Variants in ZNF804B observed in about 807,000 individuals in gnomAD.
ZNF804B encodes zinc finger protein 804B, also known as zinc finger 804B.
A neutral mutation model predicts 101.4 loss-of-function variants in ZNF804B; 80 were observed. That is an observed-to-expected ratio of 0.79 (90% confidence interval 0.66 to 0.95). ZNF804B has a LOEUF of 0.95. ZNF804B is among the 40% of genes least tolerant of loss of function. The probability of loss-of-function intolerance (pLI) is 0.00; values close to 1 mark genes in which losing one functional copy is unlikely to be tolerated. For missense variants in ZNF804B, 1,673 were observed against 1,561.9 expected, an observed-to-expected ratio of 1.07 and a Z score of -1.20; for synonymous variants, 622 against 558.8, an observed-to-expected ratio of 1.11 and a Z score of -1.59.
At position 89,285,522 on chromosome 7, in the gene ZNF804B, C is replaced by CAAAAAAAAAAAAAAAAAA. The variant is rs778078214; in HGVS notation, c.250-41813_250-41796dup. 4.5e-4 allele frequency among the ~76,000 whole-genome samples: 10 copies of CAAAAAAAAAAAAAAAAAA among 22,396 alleles called. 1 individual carries two copies. The highest frequency in any genetic ancestry group is 8.1e-4 in the Admixed American group (1 of 1,232). The allele number at this position is 22,396 out of a possible 152,430, so 14.7% of individuals were successfully genotyped here. A position where few individuals can be genotyped will look rare whatever the true frequency, so the allele number is the denominator to read the frequency against. On this transcript the variant is annotated intron_variant, in intron 2 of 3. Coordinates refer to ENST00000333190, the MANE Select transcript of ZNF804B (RefSeq NM_181646.5). Reference sequence around the variant, plus strand: ...TGGGCGAGAGAGCGAGACTCTGTCTCAAAAAAAAAAAAAAAAAAAAAAAAA... The same window carrying CAAAAAAAAAAAAAAAAAA: ...TGGGCGAGAGAGCGAGACTCTGTCTCAAAAAAAAAAAAAAAAAAAAAAAAAAAAAAAAAAAAAAAAAAA...
At position 88,854,529 on chromosome 7, in the gene ZNF804B, T is replaced by TCCTTTCCTTCCCTTC. The variant is rs1562812904; in HGVS notation, c.108+94449_108+94450insTCCTTCCCTTCCCTT. Among the ~76,000 whole-genome samples the TCCTTTCCTTCCCTTC allele has an allele frequency of 2.9e-4, 17 of 57,920 alleles. 1 individual carries two copies. Among genetic ancestry groups the TCCTTTCCTTCCCTTC allele is most frequent in the Non-Finnish European group, 3.9e-4 (12 of 30,896 alleles). 38.0% of individuals were successfully genotyped at this position (57,920 alleles called of 152,430 possible). ...TTCCTTTCCTTTCCTTTCCTTCCTT[T>TCCTTTCCTTCCCTTC]CCTTCCTTCCTTCCTTCCTTCCTTC... On this transcript the variant is annotated intron_variant, in intron 1 of 3. Coordinates refer to ENST00000333190, the MANE Select transcript of ZNF804B (RefSeq NM_181646.5).
At chr7:89,203,426 C>A (rs962565895) in intron 1 of ZNF804B, among the ~76,000 whole-genome samples, 1 of 152,116 alleles carries the variant, frequency 6.6e-6, no homozygotes, top group Non-Finnish European at 1.5e-5. Flanking sequence ...TAGTTTATAG[C>A]GGCTCTTTTG....
At chr7:88,896,775 GTGTTATGCCCA>G (rs2115942314) in intron 1 of ZNF804B, among the ~76,000 whole-genome samples, 1 of 152,278 alleles carries the variant, frequency 6.6e-6, no homozygotes, top group African/African-American at 2.4e-5. Context: ...TTGCAATTAT[GTGTTATGCCCA>G]GTGCCTTTGT....
intron 2 of ZNF804B, among the ~76,000 whole-genome samples, chr7:89,253,978 A>T (rs1789583239): frequency 6.6e-6 from 1 of 152,148 alleles, no homozygotes; most frequent in Admixed American, 6.5e-5. Flanking sequence ...AAACTAAAAA[A>T]GAAGGGAACT....
Position 89,216,022 on chromosome 7 carries a change from G to A in ZNF804B, c.109-2133G>A, listed in dbSNP as rs191891874. ...CATGAAAAATAAATAAATAAATACC[G>A]GCTGGGCGTAGTGGCTCACGCCTAT... On this transcript the variant is annotated intron_variant, in intron 1 of 3. Transcript: ENST00000333190. 2.2e-3 allele frequency among the ~76,000 whole-genome samples: 341 copies of A among 152,122 alleles called. 2 individuals carry two copies. Among genetic ancestry groups the A allele is most frequent in the African/African-American group, 8.0e-3 (330 of 41,506 alleles).
intron 1 of ZNF804B, among the ~76,000 whole-genome samples, chr7:89,153,077 A>G (rs1266020831): frequency 6.6e-6 from 1 of 151,042 alleles, no homozygotes; most frequent in Non-Finnish European, 1.5e-5. Context: ...ATTTTTCACC[A>G]TCAGCATGAA....
intron 1 of ZNF804B, among the ~76,000 whole-genome samples, chr7:88,968,095 A>G (rs1295506685): frequency 6.6e-6 from 1 of 151,564 alleles, no homozygotes; most frequent in African/African-American, 2.4e-5. Flanking sequence ...AGTCTTCTAG[A>G]TATTCTTAAA....
At chr7:89,267,554 T>C (rs1025389716) in intron 2 of ZNF804B, among the ~76,000 whole-genome samples, 2 of 152,186 alleles carry the variant, frequency 1.3e-5, no homozygotes, top group Non-Finnish European at 2.9e-5. Context: ...TCTAGTTATA[T>C]ATGGGACCTG....
At chr7:89,106,489 T>A (rs1199100502) in intron 1 of ZNF804B, among the ~76,000 whole-genome samples, 1 of 152,078 alleles carries the variant, frequency 6.6e-6, no homozygotes, top group Non-Finnish European at 1.5e-5. Context: ...TGATGGCTTG[T>A]GTAGAGAGAA....
At chr7:89,006,334 C>T (rs1788368755) in intron 1 of ZNF804B, among the ~76,000 whole-genome samples, 1 of 152,042 alleles carries the variant, frequency 6.6e-6, no homozygotes, top group African/African-American at 2.4e-5. Flanking sequence ...TATCGTGCCT[C>T]TTATCATAGA....
At chr7:89,026,778 A>G (rs1788758980) in intron 1 of ZNF804B, among the ~76,000 whole-genome samples, 2 of 152,166 alleles carry the variant, frequency 1.3e-5, no homozygotes, top group South Asian at 4.1e-4. Context: ...GAAGCCTGTA[A>G]TAAAAGATAG....
chr7:88,930,289 A>G (rs1285102456), intron 1 of ZNF804B, among the ~76,000 whole-genome samples: 1 of 151,980 alleles, frequency 6.6e-6, no homozygotes, highest in African/African-American at 2.4e-5. Flanking sequence ...AAAATTAAAG[A>G]TAATAGCAAT....
chr7:89,090,989 A>G (rs917578802), intron 1 of ZNF804B, among the ~76,000 whole-genome samples: 1 of 152,194 alleles, frequency 6.6e-6, no homozygotes, highest in African/African-American at 2.4e-5. Context: ...CATTTTGAGG[A>G]AAGTTTGGAC....
rs756688372 is a variant in ZNF804B at position 89,203,847 on chromosome 7, A to G, written c.109-14308A>G. ...GCCATTGGCTTTATACTATTTTAATATGTCATCTTAGGAGTTTGCAGGCCT... is the reference window on the plus strand; with the variant it reads ...GCCATTGGCTTTATACTATTTTAATGTGTCATCTTAGGAGTTTGCAGGCCT... On this transcript the variant is annotated intron_variant, in intron 1 of 3. Transcript: ENST00000333190. Among the ~76,000 whole-genome samples, 6 of 152,336 alleles carry G rather than the reference A, an allele frequency of 3.9e-5. No homozygotes were observed. In the South Asian group the frequency reaches 6.2e-4, roughly 16 times the overall value.
Position 89,226,855 on chromosome 7 carries a change from C to T in ZNF804B, c.249+8560C>T, listed in dbSNP as rs147171611. 3.8e-3 allele frequency among the ~76,000 whole-genome samples: 582 copies of T among 152,228 alleles called. 3 individuals carry two copies. Among genetic ancestry groups the T allele is most frequent in the African/African-American group, 0.013 (556 of 41,544 alleles). On this transcript the variant is annotated intron_variant, in intron 2 of 3. Coordinates refer to ENST00000333190, the MANE Select transcript of ZNF804B (RefSeq NM_181646.5). ...CTTATATTTCATCAATTTTGCATCA[C>T]TGCCTATTACTCATTCTTTCCTGAA... is the stretch of plus-strand genomic sequence containing the variant.
intron 1 of ZNF804B, among the ~76,000 whole-genome samples, chr7:88,875,776 T>C (rs1791927453): frequency 6.6e-6 from 1 of 151,988 alleles, no homozygotes; most frequent in Non-Finnish European, 1.5e-5. Context: ...TTCCAATCAA[T>C]AGAAAAAGAG....
intron 1 of ZNF804B, among the ~76,000 whole-genome samples, chr7:89,196,522 A>T (rs1446830056): frequency 4.6e-5 from 7 of 152,064 alleles, no homozygotes; most frequent in Non-Finnish European, 1.0e-4. Context: ...AACCATAAAA[A>T]CCCAGGAGAA....
At chr7:88,979,608 CTTT>C (rs141128834) in intron 1 of ZNF804B, among the ~76,000 whole-genome samples, 16 of 142,634 alleles carry the variant, frequency 1.1e-4, no homozygotes, top group South Asian at 2.2e-4. Flanking sequence ...CTTTTTCTTT[CTTT>C]TTTTTTTTTG....
intron 1 of ZNF804B, among the ~76,000 whole-genome samples, chr7:88,933,422 C>T (rs1013720041): frequency 1.3e-5 from 2 of 151,786 alleles, no homozygotes; most frequent in African/African-American, 4.8e-5. Flanking sequence ...GAACCTAGTA[C>T]TGGAAGTCAT....
Sources: allele counts gnomAD v4.1 joint callset (sites outside exome capture counted in the v4.1 genomes callset), GRCh38; gene constraint gnomAD v4.1.1; transcripts MANE v1.5; gene names NCBI Gene and HGNC (gene_info 2026-07-23, HGNC 2026-07-21).